The following DPP10 variants were observed in gnomAD, a reference collection of about 807,000 sequenced individuals.
The protein encoded by DPP10 is inactive dipeptidyl peptidase 10.
DPP10 carries 33 observed loss-of-function variants against 120.9 expected under a neutral mutation model. That is an observed-to-expected ratio of 0.27 (90% confidence interval 0.21 to 0.37). DPP10 has a LOEUF of 0.37. Ranked by LOEUF, DPP10 falls within the 10% of genes least tolerant of loss-of-function variation. DPP10 has a pLI of 1.00. For missense variants in DPP10, 816 were observed against 942.8 expected, an observed-to-expected ratio of 0.87 and a Z score of 1.76; for synonymous variants, 337 against 326.1, an observed-to-expected ratio of 1.03 and a Z score of -0.36.
chr2:115,290,643 A>C (rs2060614555), intron 1 of DPP10, among the ~76,000 whole-genome samples: 1 of 152,098 alleles, frequency 6.6e-6, no homozygotes, highest in Admixed American at 6.6e-5. Flanking sequence ...AGTGGAGATG[A>C]TTGTCTTAAT....
intron 3 of DPP10, among the ~76,000 whole-genome samples, chr2:115,354,919 A>G (rs2064274377): frequency 6.6e-6 from 1 of 152,144 alleles, no homozygotes; most frequent in Non-Finnish European, 1.5e-5. Flanking sequence ...CGTGGTATAT[A>G]TGTACCACAT....
At chr2:115,603,048 G>A (rs1299266952) in intron 5 of DPP10, among the ~76,000 whole-genome samples, 1 of 151,872 alleles carries the variant, frequency 6.6e-6, no homozygotes, top group Non-Finnish European at 1.5e-5. Flanking sequence ...CGTTCTACCT[G>A]ACATGTTTAA....
chr2:114,846,834 T>C (rs1053245194), intron 1 of DPP10, among the ~76,000 whole-genome samples: 23 of 152,296 alleles, frequency 1.5e-4, no homozygotes, highest in African/African-American at 3.4e-4. Context: ...TTGTGCTTCA[T>C]TGGGGTCCAG....
intron 5 of DPP10, among the ~76,000 whole-genome samples, chr2:115,588,895 G>A (rs1038695249): frequency 1.3e-5 from 2 of 152,108 alleles, no homozygotes; most frequent in Admixed American, 1.3e-4. Flanking sequence ...AATATATTCA[G>A]GTATGCCTAG....
chr2:114,613,438 T>A (rs1426571814), intron 1 of DPP10, among the ~76,000 whole-genome samples: 1 of 152,138 alleles, frequency 6.6e-6, no homozygotes, highest in Non-Finnish European at 1.5e-5. Context: ...CCAATTAGAA[T>A]GGCAATTATT....
At chr2:114,851,431 G>C (rs1172415109) in intron 1 of DPP10, among the ~76,000 whole-genome samples, 1 of 152,136 alleles carries the variant, frequency 6.6e-6, no homozygotes, top group African/African-American at 2.4e-5. Flanking sequence ...TAAGAAACAA[G>C]TATTGTCATT....
In DPP10 at chr2:115,606,806, G is replaced by GC. The variant is rs540266657; in HGVS notation, c.441+80835dup. 3.0e-3 allele frequency among the ~76,000 whole-genome samples: 453 copies of GC among 152,274 alleles called. 2 individuals carry two copies. Among genetic ancestry groups the GC allele is most frequent in the South Asian group, 8.9e-3 (43 of 4,830 alleles). ...TAATATAAGCACTCCTACAACAAAA[G>GC]CAGGAAGCTTTGTTTCTATTTTCTT... On this transcript the variant is annotated intron_variant, in intron 5 of 25. Coordinates refer to ENST00000410059, the MANE Select transcript of DPP10 (RefSeq NM_020868.6).
intron 1 of DPP10, among the ~76,000 whole-genome samples, chr2:114,758,292 C>A (rs1268938375): frequency 6.6e-6 from 1 of 152,206 alleles, no homozygotes; most frequent in Non-Finnish European, 1.5e-5. Flanking sequence ...AGAGTGGTCC[C>A]AAAGCCATCC....
rs1321193106 is a variant in DPP10 at position 115,252,126 on chromosome 2, A to T, written c.61-57113A>T. Reference sequence around the variant, plus strand: ...AAATTATAGGATTAATTTGTTTTAAAGATGCCAACTTTCTCTCTTATTCAG... The same window carrying T: ...AAATTATAGGATTAATTTGTTTTAATGATGCCAACTTTCTCTCTTATTCAG... On this transcript the variant is annotated intron_variant, in intron 1 of 25. Transcript: ENST00000410059. Among the ~76,000 whole-genome samples, 10 of 152,358 alleles carry T rather than the reference A, an allele frequency of 6.6e-5. No homozygotes were observed. The South Asian group carries it at 2.1e-3, about 32-fold the overall frequency.
At chr2:114,501,366 T>A (rs1683162854) in intron 1 of DPP10, among the ~76,000 whole-genome samples, 1 of 152,236 alleles carries the variant, frequency 6.6e-6, no homozygotes, top group Admixed American at 6.5e-5. Context: ...ATTAGTCTAA[T>A]TCTTGCAAAA....
intron 1 of DPP10, among the ~76,000 whole-genome samples, chr2:115,055,255 G>C (rs1022176766): frequency 6.6e-6 from 1 of 152,088 alleles, no homozygotes; most frequent in Admixed American, 6.5e-5. Context: ...TCATTCTCTT[G>C]AACTTCCATA....
chr2:114,770,742 C>A, intron 1 of DPP10, among the ~76,000 whole-genome samples: 1 of 152,184 alleles, frequency 6.6e-6, no homozygotes, highest in East Asian at 1.9e-4. Flanking sequence ...CATTGTTTAG[C>A]TCTGAATTTC....
intron 1 of DPP10, among the ~76,000 whole-genome samples, chr2:115,134,186 T>C (rs535755342): frequency 1.3e-4 from 20 of 152,162 alleles, no homozygotes; most frequent in Non-Finnish European, 2.6e-4. Context: ...CTTTCATATA[T>C]ACATTTAAGT....
chr2:115,073,409 C>A (rs1165065077), intron 1 of DPP10, among the ~76,000 whole-genome samples: 1 of 152,162 alleles, frequency 6.6e-6, no homozygotes, highest in African/African-American at 2.4e-5. Flanking sequence ...TGTCGCTAGG[C>A]GCAGGGGGTG....
chr2:115,263,627 T>G (rs1254957443), intron 1 of DPP10, among the ~76,000 whole-genome samples: 1 of 152,172 alleles, frequency 6.6e-6, no homozygotes, highest in Non-Finnish European at 1.5e-5. Flanking sequence ...TTTGACATAT[T>G]TAAACATGAT....
chr2:115,173,544 C>T (rs545793264), intron 1 of DPP10, among the ~76,000 whole-genome samples: 2 of 152,290 alleles, frequency 1.3e-5, no homozygotes, highest in East Asian at 1.9e-4. Flanking sequence ...TCCTGTTGTA[C>T]AGTACCATCT....
intron 3 of DPP10, among the ~76,000 whole-genome samples, chr2:115,417,741 T>C (rs1246040113): frequency 6.6e-6 from 1 of 152,224 alleles, no homozygotes; most frequent in Non-Finnish European, 1.5e-5. Context: ...TATGAATTTA[T>C]GATACCTCAC....
At chr2:114,552,179 C>G (rs1428099195) in intron 1 of DPP10, among the ~76,000 whole-genome samples, 2 of 152,226 alleles carry the variant, frequency 1.3e-5, no homozygotes, top group African/African-American at 4.8e-5. Context: ...TTAAGTCTCT[C>G]AGATCCTCAG....
chr2:114,631,571 T>C (rs1234866333), intron 1 of DPP10, among the ~76,000 whole-genome samples: 2 of 152,168 alleles, frequency 1.3e-5, no homozygotes, highest in African/African-American at 4.8e-5. Context: ...GATCTGAGAA[T>C]GACCAGAAAA....
Sources: gnomAD v4.1 joint callset for allele counts (sites outside exome capture counted in the v4.1 genomes callset) on GRCh38, gnomAD v4.1.1 for gene constraint, MANE v1.5 for transcripts, NCBI Gene and HGNC (gene_info 2026-07-23, HGNC 2026-07-21) for gene names.